IL1RAPL2: variants seen among roughly 807,000 people sequenced by gnomAD.
The protein encoded by IL1RAPL2 is interleukin 1 receptor accessory protein like 2.
Under a neutral mutation model 44.1 loss-of-function variants are expected in IL1RAPL2, and 3 were observed. The ratio of observed to expected loss-of-function variants is 0.07; its 90% CI spans 0.03 to 0.18. The LOEUF is 0.18. Among genes scored for constraint, IL1RAPL2 ranks in the 10% least tolerant of loss-of-function variants. The probability of loss-of-function intolerance (pLI) is 1.00; values close to 1 mark genes in which losing one functional copy is unlikely to be tolerated. For missense variants in IL1RAPL2, 391 were observed against 496.4 expected (o/e 0.79, Z 2.02); for synonymous variants, 181 against 178.8 (o/e 1.01, Z -0.10).
chrX:105,003,484 C>CCT (rs755615228), intron 2 of IL1RAPL2, among the ~76,000 whole-genome samples: 1 of 111,038 alleles, frequency 9.0e-6, no homozygotes, highest in South Asian at 3.8e-4. Flanking sequence ...TATGTTATAT[C>CCT]CTCTCTCTCA....
intron 6 of IL1RAPL2, among the ~76,000 whole-genome samples, chrX:105,682,093 T>C (rs1381175928): frequency 8.9e-6 from 1 of 111,949 alleles, no homozygotes; most frequent in Non-Finnish European, 1.9e-5. Flanking sequence ...TTCTTTGACA[T>C]GCAATACAAG....
intron 2 of IL1RAPL2, among the ~76,000 whole-genome samples, chrX:104,837,666 A>G (rs779112342): frequency 9.0e-6 from 1 of 111,675 alleles, no homozygotes; most frequent in Non-Finnish European, 1.9e-5. Context: ...ATTTTCTCCC[A>G]TTCTGTAGGT....
intron 2 of IL1RAPL2, among the ~76,000 whole-genome samples, chrX:104,929,380 C>T (rs1289063745): frequency 8.9e-6 from 1 of 111,732 alleles, no homozygotes; most frequent in Non-Finnish European, 1.9e-5. Context: ...TTTCTATGCC[C>T]TCTGCTCACA....
chrX:104,668,487 G>C (rs922823150), intron 2 of IL1RAPL2, among the ~76,000 whole-genome samples: 384 of 48,721 alleles, frequency 7.9e-3, no homozygotes, highest in Middle Eastern at 0.024. Context: ...TCCCCCCACC[G>C]CACAACAGTC....
chrX:105,208,890 G>A (rs1396259539), intron 3 of IL1RAPL2, among the ~76,000 whole-genome samples: 5 of 111,690 alleles, frequency 4.5e-5, no homozygotes, highest in Non-Finnish European at 7.5e-5. Flanking sequence ...TCTAAAGCTT[G>A]CCACTTAAGC....
At chrX:104,925,997 C>T (rs932587255) in intron 2 of IL1RAPL2, among the ~76,000 whole-genome samples, 7 of 112,157 alleles carry the variant, frequency 6.2e-5, no homozygotes, top group Non-Finnish European at 3.8e-5. Flanking sequence ...TCAGCAGTTT[C>T]GAGATACAAA....
intron 2 of IL1RAPL2, among the ~76,000 whole-genome samples, chrX:104,665,894 C>A (rs897074032): frequency 9.0e-6 from 1 of 111,366 alleles, no homozygotes; most frequent in Admixed American, 9.6e-5. Flanking sequence ...GAAGAGTAAA[C>A]ATTTTTGTAG....
intron 2 of IL1RAPL2, among the ~76,000 whole-genome samples, chrX:104,875,562 C>T (rs1922880446): frequency 1.8e-5 from 2 of 111,784 alleles, no homozygotes; most frequent in African/African-American, 6.5e-5. Flanking sequence ...TCCACATCTT[C>T]CACTTTTCTC....
chrX:104,672,775 T>C (rs1247807176), intron 2 of IL1RAPL2, among the ~76,000 whole-genome samples: 2 of 107,857 alleles, frequency 1.9e-5, no homozygotes, highest in South Asian at 4.1e-4. Flanking sequence ...CCTGACTTTT[T>C]AATGATCGCC....
At chrX:105,091,939 G>A (rs1602950171) in intron 2 of IL1RAPL2, among the ~76,000 whole-genome samples, 2 of 111,856 alleles carry the variant, frequency 1.8e-5, no homozygotes, top group East Asian at 2.8e-4. Flanking sequence ...GTGAGGAATT[G>A]AGACAATGTG....
At chrX:104,995,798 C>A (rs62604873) in intron 2 of IL1RAPL2, among the ~76,000 whole-genome samples, 4 of 111,929 alleles carry the variant, frequency 3.6e-5, no homozygotes, top group Non-Finnish European at 7.5e-5. Flanking sequence ...TCTTTGCCAC[C>A]TATAAGCTGG....
chrX:105,438,302 A>G (rs5962286), intron 5 of IL1RAPL2, among the ~76,000 whole-genome samples: 3,439 of 111,290 alleles, frequency 0.031, 146 homozygotes, highest in African/African-American at 0.11. Flanking sequence ...GATTAAGGGG[A>G]GCCTTTGGCT....
chrX:104,908,116 G>A (rs1235546715), intron 2 of IL1RAPL2, among the ~76,000 whole-genome samples: 1 of 110,140 alleles, frequency 9.1e-6, no homozygotes, highest in Non-Finnish European at 1.9e-5. Flanking sequence ...TCAGAGACTA[G>A]GATTGCAACC....
At chrX:105,018,022 C>T (rs758722367) in intron 2 of IL1RAPL2, among the ~76,000 whole-genome samples, 1 of 111,597 alleles carries the variant, frequency 9.0e-6, no homozygotes, top group East Asian at 2.9e-4. Context: ...TGGTTCCCCC[C>T]ACTACGTGTG....
intron 2 of IL1RAPL2, among the ~76,000 whole-genome samples, chrX:104,768,893 G>T (rs1454195093): frequency 9.0e-6 from 1 of 110,779 alleles, no homozygotes; most frequent in African/African-American, 3.3e-5. Flanking sequence ...TCAGGGTCTA[G>T]CTTTCCCGAG....
At chrX:104,870,531 C>T (rs905467279) in intron 2 of IL1RAPL2, among the ~76,000 whole-genome samples, 2 of 112,004 alleles carry the variant, frequency 1.8e-5, no homozygotes, top group Non-Finnish European at 1.9e-5. Flanking sequence ...GGCTCAAATC[C>T]GCAGCATAAA....
At chrX:105,102,483 C>A (rs1456440056) in intron 2 of IL1RAPL2, among the ~76,000 whole-genome samples, 1 of 111,825 alleles carries the variant, frequency 8.9e-6, no homozygotes, top group Non-Finnish European at 1.9e-5. Context: ...AATCAGGGTT[C>A]TCCAGAGAAC....
Position 105,267,090 on chromosome X carries a change from C to G in IL1RAPL2, c.544-298C>G, listed in dbSNP as rs190714210. Among the ~76,000 whole-genome samples the G allele has an allele frequency of 8.5e-4, 95 of 111,235 alleles. 1 individual carries two copies. Among genetic ancestry groups the G allele is most frequent in the African/African-American group, 3.0e-3 (92 of 30,712 alleles). ...TGACTGTTAAGGTTCTGCTATACCT[C>G]TCTTGTAATTGGGGAGCCTCTATGC... On this transcript the variant is annotated intron_variant, in intron 4 of 10. Transcript: ENST00000372582.
intron 4 of IL1RAPL2, among the ~76,000 whole-genome samples, chrX:105,262,810 T>G (rs1304444673): frequency 1.8e-5 from 2 of 111,496 alleles, no homozygotes; most frequent in African/African-American, 6.5e-5. Flanking sequence ...AAGGACAAGG[T>G]TCATACCTAA....
Sources: allele counts gnomAD v4.1 joint callset (sites outside exome capture counted in the v4.1 genomes callset), GRCh38; gene constraint gnomAD v4.1.1; transcripts MANE v1.5; gene names NCBI Gene and HGNC (gene_info 2026-07-23, HGNC 2026-07-21).